The following LIMA1 variants were observed in gnomAD, a reference collection of about 807,000 sequenced individuals.
LIMA1 encodes the protein LIM domain and actin-binding protein 1.
In LIMA1, 52 loss-of-function variants were observed where a neutral mutation model predicts 62.6. That is an observed-to-expected ratio of 0.83 (90% CI 0.67 to 1.05). The LOEUF is 1.05. Ranked by LOEUF, LIMA1 falls within the 50% of genes least tolerant of loss-of-function variation. LIMA1 has a pLI of 0.00. For synonymous variants in LIMA1, 302 were observed against 317.8 expected (o/e 0.95, Z 0.53); for missense variants, 780 against 902.2 (o/e 0.86, Z 1.74).
At chr12:50,206,571 T>C (rs1421810044) in intron 4 of LIMA1, among the ~76,000 whole-genome samples, 1 of 152,196 alleles carries the variant, frequency 6.6e-6, no homozygotes, top group Non-Finnish European at 1.5e-5. Flanking sequence ...TCCAAAAATA[T>C]AAATCTATTT....
At chr12:50,283,252 G>T (rs1277240712) in intron 1 of LIMA1, among the ~76,000 whole-genome samples, 168 bp downstream of exon 1, 1 of 151,886 alleles carries the variant, frequency 6.6e-6, no homozygotes, top group Non-Finnish European at 1.5e-5. Context: ...GCAGGCCCCA[G>T]AAGTGAGGAA....
chr12:50,221,492 T>C (rs1197378736), intron 4 of LIMA1, among the ~76,000 whole-genome samples: 2 of 152,236 alleles, frequency 1.3e-5, no homozygotes, highest in Non-Finnish European at 2.9e-5. Context: ...AGTCTGGCTA[T>C]CTTCATTGAT....
chr12:50,227,520 G>T (rs79256223), intron 3 of LIMA1, among the ~76,000 whole-genome samples: 3,482 of 152,166 alleles, frequency 0.023, 126 homozygotes, highest in African/African-American at 0.08. Flanking sequence ...GAGCCACCGT[G>T]CCAGGCCCGA....
At chr12:50,211,622 A>G (rs759300598) in intron 4 of LIMA1, among the ~76,000 whole-genome samples, 13 of 152,122 alleles carry the variant, frequency 8.5e-5, no homozygotes, top group Non-Finnish European at 1.5e-4. Context: ...TCCAGCCTGG[A>G]CGATATAACA....
chr12:50,178,963 T>C (rs561391604), intron 10 of LIMA1, among the ~76,000 whole-genome samples: 93 of 100,984 alleles, frequency 9.2e-4, no homozygotes, highest in Non-Finnish European at 1.6e-3. Context: ...TATATATATA[T>C]ATATTTTTTT....
intron 2 of LIMA1, among the ~76,000 whole-genome samples, chr12:50,241,933 ATTTTTTTTTTTTTTTTT>A (rs577308413): frequency 5.8e-4 from 21 of 36,436 alleles, no homozygotes; most frequent in South Asian, 2.8e-3. Context: ...TCCTTCCCAG[ATTTTTTTTTTTTTTTTT>A]TTTTTTTTTT....
intron 1 of LIMA1, among the ~76,000 whole-genome samples, chr12:50,275,956 C>T (rs1001831569): frequency 6.6e-6 from 1 of 152,060 alleles, no homozygotes; most frequent in African/African-American, 2.4e-5. Context: ...GTTCCCAGGC[C>T]CATCCCTCAG....
At position 50,178,041 on chromosome 12, in the gene LIMA1, T is replaced by C; in HGVS notation, c.1303A>G (p.Arg435Gly). 6.5e-7 allele frequency: 1 copy of C among 1,544,738 alleles called. No homozygotes were observed. Among genetic ancestry groups the C allele is most frequent in the Non-Finnish European group, 8.7e-7 (1 of 1,150,850 alleles). The change falls in exon 11 of 11, where the codon AGA becomes GGA. Residue 435 changes from arginine to glycine, a missense_variant. By Grantham distance (125) the Arg-to-Gly change is moderately radical (BLOSUM62 -2). Transcript: ENST00000341247. ...SLGTYASLHG[R>G]IYCKPHFNQL... Reference sequence around the variant, plus strand: ...TTGAAGTGAGGCTTACAATAGATTCTTCCATGTAAAGATGCATATGTTCCT... The same window carrying C: ...TTGAAGTGAGGCTTACAATAGATTCCTCCATGTAAAGATGCATATGTTCCT...
intron 9 of LIMA1, 53 bp downstream of exon 9, chr12:50,192,398 TA>T: frequency 8.4e-7 from 1 of 1,183,456 alleles, no homozygotes; most frequent in Non-Finnish European, 1.3e-6. Context: ...AAGGTACAAT[TA>T]GCTCTACCAG....
chr12:50,207,106 G>C (rs1342305805), intron 4 of LIMA1, among the ~76,000 whole-genome samples: 4 of 152,112 alleles, frequency 2.6e-5, no homozygotes, highest in East Asian at 1.9e-4. Flanking sequence ...TATATTTTTA[G>C]TAGAGACAGG....
rs769163595 is a variant in LIMA1, at chr12:50,181,940, C to T, written c.1238G>A (p.Ser413Asn). ...LLANQQVFHI[S>N]CFRCSYCNNK... ...GTTGCAATAGGAGCAACGGAAGCAG[C>T]TGATGTGAAACACCTGCTGGTTGGC... Residue 413 changes from serine (S) to asparagine (N), a missense_variant, in exon 10 of 11, where the codon AGC becomes AAC. Transcript: ENST00000341247. The T allele has an allele frequency of 6.2e-7, 1 of 1,614,016 alleles. No homozygotes were observed. Among genetic ancestry groups the T allele is most frequent in the South Asian group, 1.1e-5 (1 of 91,072 alleles).
At chr12:50,230,358 G>A (rs974676282) in intron 3 of LIMA1, among the ~76,000 whole-genome samples, 8 of 151,996 alleles carry the variant, frequency 5.3e-5, no homozygotes, top group African/African-American at 1.9e-4. Flanking sequence ...TTTCTTTATT[G>A]TCTGTCTTTT....
At chr12:50,230,135 A>C (rs1941588084) in intron 3 of LIMA1, among the ~76,000 whole-genome samples, 1 of 151,986 alleles carries the variant, frequency 6.6e-6, no homozygotes, top group Non-Finnish European at 1.5e-5. Flanking sequence ...CCCGGGTTCA[A>C]GTGATTCTCC....
At chr12:50,183,809 T>TAAAAA (rs1565827717) in intron 9 of LIMA1, among the ~76,000 whole-genome samples, 3 of 12,910 alleles carry the variant, frequency 2.3e-4, no homozygotes, top group African/African-American at 1.4e-3. Context: ...AGACTTGGTC[T>TAAAAA]CAAAAAAAAA....
chr12:50,280,430 T>C (rs901889208), intron 1 of LIMA1, among the ~76,000 whole-genome samples: 1 of 152,048 alleles, frequency 6.6e-6, no homozygotes, highest in Non-Finnish European at 1.5e-5. Context: ...AGTGCTGGGA[T>C]TACAGGCGTG....
intron 1 of LIMA1, among the ~76,000 whole-genome samples, chr12:50,266,818 ATTGT>A (rs1483660440): frequency 2.6e-5 from 4 of 152,090 alleles, no homozygotes; most frequent in Non-Finnish European, 5.9e-5. Context: ...ATGGTACATT[ATTGT>A]TTTAGTTTTC....
intron 8 of LIMA1, among the ~76,000 whole-genome samples, chr12:50,194,669 C>T (rs774253399): frequency 2.0e-5 from 3 of 152,036 alleles, no homozygotes; most frequent in Admixed American, 1.3e-4. Context: ...TGAGAGGCTG[C>T]GGTGGTAGGA....
chr12:50,268,863 CATA>C (rs1942170905), intron 1 of LIMA1, among the ~76,000 whole-genome samples: 1 of 152,142 alleles, frequency 6.6e-6, no homozygotes. Flanking sequence ...TCCCACAGAC[CATA>C]ATGTCCATGT....
At chr12:50,218,988 C>T (rs545765789) in intron 4 of LIMA1, among the ~76,000 whole-genome samples, 1 of 151,808 alleles carries the variant, frequency 6.6e-6, no homozygotes, top group South Asian at 2.1e-4. Flanking sequence ...AACTGGTCTT[C>T]TCTATAAAGT....
Sources: gnomAD v4.1 joint callset for allele counts (sites outside exome capture counted in the v4.1 genomes callset) on GRCh38, gnomAD v4.1.1 for gene constraint, MANE v1.5 for transcripts, NCBI Gene and HGNC (gene_info 2026-07-23, HGNC 2026-07-21) for gene names.